ROCK2: variants seen among roughly 807,000 people sequenced by gnomAD.
The protein encoded by ROCK2 is rho-associated protein kinase 2.
A neutral mutation model predicts 195.1 loss-of-function variants in ROCK2; 61 were observed. The observed-to-expected ratio is 0.31, with a 90% CI of 0.25 to 0.39. The LOEUF is 0.39. Ranked by LOEUF, ROCK2 falls within the 10% of genes least tolerant of loss-of-function variation. ROCK2 has a pLI of 1.00. For synonymous variants in ROCK2, 504 were observed against 545.5 expected (o/e 0.92, Z 1.06); for missense variants, 1,109 against 1,637.4 (o/e 0.68, Z 5.57).
chr2:11,269,141 T>C (rs1027265965), intron 3 of ROCK2, among the ~76,000 whole-genome samples: 3 of 152,236 alleles, frequency 2.0e-5, no homozygotes, highest in African/African-American at 7.2e-5. Context: ...TATTTTCATA[T>C]TGGTCATACA....
In ROCK2 at chr2:11,263,467, C is replaced by T. The variant is rs147617111; in HGVS notation, c.325-13669G>A. Among the ~76,000 whole-genome samples the T allele has an allele frequency of 6.5e-3, 990 of 152,076 alleles. 7 individuals carry two copies. Among genetic ancestry groups the T allele is most frequent in the Non-Finnish European group, 9.2e-3 (626 of 67,978 alleles). On this transcript the variant is annotated intron_variant, in intron 3 of 32. Coordinates refer to ENST00000315872, the MANE Select transcript of ROCK2 (RefSeq NM_004850.5). ...TTCTTCCTGCTGCTCTACAGATATT[C>T]CTCCAAAACTGTGTTCCTGACTAAG...
At chr2:11,325,147 G>C (rs961382947) in intron 1 of ROCK2, among the ~76,000 whole-genome samples, 3 of 152,206 alleles carry the variant, frequency 2.0e-5, no homozygotes, top group South Asian at 4.1e-4. Context: ...AACTGCACAA[G>C]TCTGTTTATA....
intron 1 of ROCK2, among the ~76,000 whole-genome samples, chr2:11,328,937 G>T (rs576561621): frequency 7.5e-6 from 1 of 133,752 alleles, no homozygotes; most frequent in Non-Finnish European, 1.6e-5. Flanking sequence ...GGAGGGGGGA[G>T]GGATAGCATT....
At chr2:11,328,168 T>C (rs1436760445) in intron 1 of ROCK2, among the ~76,000 whole-genome samples, 1 of 152,190 alleles carries the variant, frequency 6.6e-6, no homozygotes, top group African/African-American at 2.4e-5. Flanking sequence ...ACTATTCTCT[T>C]AGATTGTAAA....
intron 1 of ROCK2, among the ~76,000 whole-genome samples, chr2:11,328,034 T>G (rs1475108600): frequency 6.6e-6 from 1 of 152,154 alleles, no homozygotes; most frequent in Non-Finnish European, 1.5e-5. Context: ...AGATTATCAG[T>G]GAAAAGAAGA....
intron 3 of ROCK2, among the ~76,000 whole-genome samples, chr2:11,281,913 A>T (rs556732864): frequency 1.3e-5 from 2 of 152,310 alleles, no homozygotes; most frequent in South Asian, 4.1e-4. Flanking sequence ...TGTTGTCAAG[A>T]TACCGGTTCT....
intron 3 of ROCK2, among the ~76,000 whole-genome samples, chr2:11,260,692 G>C (rs1666197229): frequency 6.6e-6 from 1 of 152,096 alleles, no homozygotes; most frequent in Non-Finnish European, 1.5e-5. Flanking sequence ...GATATCAACA[G>C]AAGCTAAAAT....
At chr2:11,300,231 C>T (rs1421194985) in intron 1 of ROCK2, among the ~76,000 whole-genome samples, 1 of 152,116 alleles carries the variant, frequency 6.6e-6, no homozygotes, top group African/African-American at 2.4e-5. Context: ...AATAATTTAT[C>T]AACCAATTTA....
chr2:11,232,026 A>C (rs752607076), intron 5 of ROCK2, among the ~76,000 whole-genome samples: 1 of 152,070 alleles, frequency 6.6e-6, no homozygotes, highest in Non-Finnish European at 1.5e-5. Flanking sequence ...TCTTTTTTTT[A>C]AACAAACTTT....
At chr2:11,263,049 T>G (rs546063022) in intron 3 of ROCK2, among the ~76,000 whole-genome samples, 1 of 152,274 alleles carries the variant, frequency 6.6e-6, no homozygotes, top group South Asian at 2.1e-4. Flanking sequence ...TACAAAAACA[T>G]GTTGAGAGAT....
intron 3 of ROCK2, among the ~76,000 whole-genome samples, chr2:11,254,479 G>C (rs866051599): frequency 8.5e-5 from 13 of 152,124 alleles, no homozygotes; most frequent in Admixed American, 7.2e-4. Flanking sequence ...TTGGCTAAAG[G>C]CTGGGCTACC....
intron 1 of ROCK2, among the ~76,000 whole-genome samples, chr2:11,324,373 C>T (rs1023156618): frequency 6.6e-6 from 1 of 152,084 alleles, no homozygotes; most frequent in Non-Finnish European, 1.5e-5. Flanking sequence ...TGCAGTGAGC[C>T]GAGATCATGC....
At chr2:11,331,378 A>C (rs1273535733) in intron 1 of ROCK2, among the ~76,000 whole-genome samples, 1 of 152,246 alleles carries the variant, frequency 6.6e-6, no homozygotes, top group Non-Finnish European at 1.5e-5. Context: ...GCCAAAAGCC[A>C]AGTGCAATAG....
chr2:11,308,397 A>G, intron 1 of ROCK2: 2 of 1,579,940 alleles, frequency 1.3e-6, no homozygotes, highest in Non-Finnish European at 8.7e-7. Context: ...CCTGGTGAAG[A>G]AGAGAATTTG....
chr2:11,205,533 T>C (rs191295770), intron 20 of ROCK2, among the ~76,000 whole-genome samples: 208 of 152,232 alleles, frequency 1.4e-3, no homozygotes, highest in African/African-American at 3.2e-3. Context: ...AGAAGAGATA[T>C]ACATGTTGGC....
chr2:11,310,172 C>T (rs1168581710), intron 1 of ROCK2, among the ~76,000 whole-genome samples: 1 of 151,982 alleles, frequency 6.6e-6, no homozygotes, highest in Non-Finnish European at 1.5e-5. Context: ...TTTAATTTAG[C>T]CCATGTTATG....
chr2:11,313,513 T>A (rs564355215), intron 1 of ROCK2, among the ~76,000 whole-genome samples: 17 of 152,042 alleles, frequency 1.1e-4, no homozygotes, highest in Non-Finnish European at 1.3e-4. Context: ...ATTGTCTAAA[T>A]CCTGGTACCA....
At chr2:11,343,918 C>A (rs568312681) in intron 1 of ROCK2, 78 bp downstream of exon 1, 5 of 1,477,744 alleles carry the variant, frequency 3.4e-6, no homozygotes, top group East Asian at 5.4e-5. Flanking sequence ...CACGGGCGGA[C>A]GGGCACGGAG....
chr2:11,254,201 C>A (rs1665936214), intron 3 of ROCK2, among the ~76,000 whole-genome samples: 1 of 152,134 alleles, frequency 6.6e-6, no homozygotes, highest in Non-Finnish European at 1.5e-5. Flanking sequence ...AATGACAAAA[C>A]ACACAAGGCA....
Sources: gnomAD v4.1 joint callset for allele counts (sites outside exome capture counted in the v4.1 genomes callset) on GRCh38, gnomAD v4.1.1 for gene constraint, MANE v1.5 for transcripts, NCBI Gene and HGNC (gene_info 2026-07-23, HGNC 2026-07-21) for gene names.